Variants in PTPRO observed in about 807,000 individuals in gnomAD.
PTPRO encodes the protein receptor-type tyrosine-protein phosphatase O.
In PTPRO, 62 loss-of-function variants were observed where a neutral mutation model predicts 145.2. The ratio of observed to expected loss-of-function variants is 0.43; its 90% CI spans 0.35 to 0.53. The LOEUF (loss-of-function observed/expected upper bound fraction) is 0.53. Among genes scored for constraint, PTPRO ranks in the 20% least tolerant of loss-of-function variants. The pLI, the probability that PTPRO is intolerant of heterozygous loss-of-function variation, is 0.01. For synonymous variants in PTPRO, 565 were observed against 514.7 expected (o/e 1.10, Z -1.32); for missense variants, 1,345 against 1,482.7 (o/e 0.91, Z 1.53).
In PTPRO at chr12:15,501,756, T is replaced by C. The variant is rs1208946855; in HGVS notation, c.798T>C (p.His266=). 1 of 1,614,090 alleles carries C rather than the reference T, an allele frequency of 6.2e-7. No homozygotes were observed. Among genetic ancestry groups the C allele is most frequent in the Non-Finnish European group, 8.5e-7 (1 of 1,180,004 alleles). Residue 266 remains histidine (H), a synonymous_variant, in exon 5 of 27, where the codon CAT becomes CAC. Transcript: ENST00000281171. The stretch of plus-strand genomic sequence containing the variant: ...CAATAGGAAAAGAAAAACTCTTCCA[T>C]TTTACAGAAGAAACCCCTGAAATTC... ...QDTIGKEKLF[H]FTEETPEIPS...
chr12:15,429,869 C>A (rs1008638474), intron 1 of PTPRO, among the ~76,000 whole-genome samples: 1 of 151,848 alleles, frequency 6.6e-6, no homozygotes, highest in Non-Finnish European at 1.5e-5. Flanking sequence ...AACAATAGAA[C>A]CTGATGATAA....
chr12:15,543,005 G>A (rs188386510), intron 12 of PTPRO, among the ~76,000 whole-genome samples: 2 of 152,278 alleles, frequency 1.3e-5, no homozygotes, highest in Admixed American at 1.3e-4. Flanking sequence ...GTGAAATCTT[G>A]TAATAGTAAT....
At chr12:15,559,980 G>A (rs1269367232) in intron 16 of PTPRO, among the ~76,000 whole-genome samples, 1 of 152,050 alleles carries the variant, frequency 6.6e-6, no homozygotes, top group Non-Finnish European at 1.5e-5. Context: ...TTACAATAAG[G>A]TCATGTGTGA....
At chr12:15,495,005 G>A (rs1942072053) in intron 2 of PTPRO, among the ~76,000 whole-genome samples, 1 of 151,906 alleles carries the variant, frequency 6.6e-6, no homozygotes, top group South Asian at 2.1e-4. Flanking sequence ...ACTTGAAGCA[G>A]TTCAAAACTT....
chr12:15,513,692 T>C (rs923996733), intron 7 of PTPRO, among the ~76,000 whole-genome samples: 27 of 152,184 alleles, frequency 1.8e-4, no homozygotes, highest in Non-Finnish European at 4.0e-4. Context: ...AACAACATTG[T>C]TCTCCATTGA....
At chr12:15,406,974 G>A (rs1485134697) in intron 1 of PTPRO, among the ~76,000 whole-genome samples, 2 of 152,166 alleles carry the variant, frequency 1.3e-5, no homozygotes, top group African/African-American at 4.8e-5. Flanking sequence ...GATGAAAATA[G>A]GAGCTAAAAC....
At chr12:15,542,281 G>T (rs990494324) in intron 12 of PTPRO, among the ~76,000 whole-genome samples, 1 of 152,182 alleles carries the variant, frequency 6.6e-6, no homozygotes, top group Non-Finnish European at 1.5e-5. Context: ...CACACTGGAA[G>T]AAGAATTATC....
intron 1 of PTPRO, among the ~76,000 whole-genome samples, chr12:15,378,735 TAA>T (rs1938764418): frequency 6.6e-6 from 1 of 151,894 alleles, no homozygotes; most frequent in Non-Finnish European, 1.5e-5. Context: ...CAAAACCAAA[TAA>T]AGATACTACA....
chr12:15,491,008 G>A (rs1214081801), intron 2 of PTPRO, among the ~76,000 whole-genome samples: 1 of 152,168 alleles, frequency 6.6e-6, no homozygotes, highest in African/African-American at 2.4e-5. Context: ...TTGAACTAAG[G>A]TACTGGATGT....
intron 18 of PTPRO, among the ~76,000 whole-genome samples, chr12:15,566,712 A>T (rs1285594600): frequency 6.6e-6 from 1 of 151,770 alleles, no homozygotes; most frequent in Non-Finnish European, 1.5e-5. Flanking sequence ...GTAGAGACGA[A>T]ATTTCACTAT....
intron 1 of PTPRO, among the ~76,000 whole-genome samples, chr12:15,462,487 CTCTGTGCTTTT>C: frequency 6.6e-6 from 1 of 152,266 alleles, no homozygotes; most frequent in Non-Finnish European, 1.5e-5. Flanking sequence ...TGCCATGGTG[CTCTGTGCTTTT>C]AGTCATAATA....
At chr12:15,466,330 T>A (rs1409691572) in intron 1 of PTPRO, among the ~76,000 whole-genome samples, 1 of 152,226 alleles carries the variant, frequency 6.6e-6, no homozygotes, top group Non-Finnish European at 1.5e-5. Context: ...CTGATTCAGT[T>A]ATGTTTGTCA....
intron 2 of PTPRO, among the ~76,000 whole-genome samples, chr12:15,492,541 CA>C (rs1942020420): frequency 2.7e-5 from 4 of 150,454 alleles, no homozygotes; most frequent in South Asian, 2.1e-4. Context: ...GACCCTATCT[CA>C]AAAAAAATTT....
chr12:15,531,565 C>T (rs1274506601), intron 12 of PTPRO, among the ~76,000 whole-genome samples: 1 of 151,986 alleles, frequency 6.6e-6, no homozygotes, highest in African/African-American at 2.4e-5. Context: ...AAAAATTGAC[C>T]ATTTATTGCG....
chr12:15,529,328 C>A (rs771049941), intron 12 of PTPRO, among the ~76,000 whole-genome samples: 1 of 152,036 alleles, frequency 6.6e-6, no homozygotes, highest in Non-Finnish European at 1.5e-5. Flanking sequence ...TTCTTTTGCT[C>A]ATGATCTAAG....
intron 15 of PTPRO, among the ~76,000 whole-genome samples, chr12:15,556,280 A>G (rs895491928): frequency 6.6e-6 from 1 of 152,198 alleles, no homozygotes; most frequent in East Asian, 1.9e-4. Context: ...TTTCAAAAGA[A>G]GAAAATTGTT....
chr12:15,332,316 TA>T (rs1866637040), intron 1 of PTPRO, among the ~76,000 whole-genome samples: 1 of 152,208 alleles, frequency 6.6e-6, no homozygotes, highest in African/African-American at 2.4e-5. Context: ...AAAGAAAACA[TA>T]GCAGCAAGAT....
At chr12:15,461,566 CTTTTT>C (rs141018489) in intron 1 of PTPRO, among the ~76,000 whole-genome samples, 12 of 70,516 alleles carry the variant, frequency 1.7e-4, no homozygotes, top group Non-Finnish European at 2.6e-4. Context: ...ATTGCTATAG[CTTTTT>C]TTTTTTTTTT....
At chr12:15,463,177 A>T (rs751974320) in intron 1 of PTPRO, among the ~76,000 whole-genome samples, 1 of 152,190 alleles carries the variant, frequency 6.6e-6, no homozygotes, top group Non-Finnish European at 1.5e-5. Context: ...ACCTAAAAGG[A>T]AATCTGGCAT....
Sources: allele counts gnomAD v4.1 joint callset (sites outside exome capture counted in the v4.1 genomes callset), GRCh38; gene constraint gnomAD v4.1.1; transcripts MANE v1.5; gene names NCBI Gene and HGNC (gene_info 2026-07-23, HGNC 2026-07-21).